The following MEGF10 variants were observed in gnomAD, a reference collection of about 807,000 sequenced individuals.
The protein encoded by MEGF10 is multiple epidermal growth factor-like domains protein 10.
Under a neutral mutation model 147.5 loss-of-function variants are expected in MEGF10, and 86 were observed. The ratio of observed to expected loss-of-function variants is 0.58; its 90% confidence interval spans 0.49 to 0.70. MEGF10 has a LOEUF of 0.70. MEGF10 is among the 30% of genes least tolerant of loss of function. MEGF10 has a pLI of 0.00. For missense variants in MEGF10, 1,329 were observed against 1,487.3 expected (o/e 0.89, Z 1.75); for synonymous variants, 478 against 525.5 (o/e 0.91, Z 1.24).
intron 13 of MEGF10, among the ~76,000 whole-genome samples, chr5:127,424,046 A>G (rs752632181): frequency 4.6e-5 from 7 of 152,204 alleles, no homozygotes; most frequent in Non-Finnish European, 7.3e-5. Flanking sequence ...GGTAATTTTT[A>G]CATACAATAT....
intron 2 of MEGF10, among the ~76,000 whole-genome samples, chr5:127,333,943 A>C (rs1193066211): frequency 2.0e-5 from 3 of 152,150 alleles, no homozygotes; most frequent in Non-Finnish European, 4.4e-5. Context: ...GAAAATGATG[A>C]AAAAAACTTC....
chr5:127,361,945 T>A (rs920823535), intron 4 of MEGF10, among the ~76,000 whole-genome samples: 19 of 152,300 alleles, frequency 1.2e-4, no homozygotes, highest in Admixed American at 1.0e-3. Context: ...TTTCATAGAA[T>A]ATAACTTGAT....
intron 4 of MEGF10, among the ~76,000 whole-genome samples, chr5:127,341,239 T>C (rs1156461840): frequency 1.3e-5 from 2 of 152,182 alleles, no homozygotes; most frequent in African/African-American, 4.8e-5. Context: ...ATGAGATGCA[T>C]GTGAGATGCA....
In MEGF10 at chr5:127,459,722, C is replaced by G. The variant is rs1282590794; in HGVS notation, c.*2404C>G. On this transcript the variant is annotated 3_prime_UTR_variant, in exon 25 of 25. Coordinates refer to ENST00000503335, the MANE Select transcript of MEGF10 (RefSeq NM_001256545.2). Reference sequence around the variant, plus strand: ...TGCTCTTTTTGACAAGTAAATCACTCCAGTTAGCTGATGTCCTGAAATGAC... The same window carrying G: ...TGCTCTTTTTGACAAGTAAATCACTGCAGTTAGCTGATGTCCTGAAATGAC... 1 of 152,202 alleles carries G rather than the reference C, an allele frequency of 6.6e-6. No homozygotes were observed. Among genetic ancestry groups the G allele is most frequent in the Admixed American group, 6.5e-5 (1 of 15,268 alleles). The allele number at this position is 152,202 out of a possible 1,614,324, so 9.4% of individuals were successfully genotyped here. A position where few individuals can be genotyped will look rare whatever the true frequency, so the allele number is the denominator to read the frequency against.
At position 127,445,586 on chromosome 5, in the gene MEGF10, C is replaced by A; in HGVS notation, c.2621C>A (p.Ala874Glu). 1 of 1,614,050 alleles carries A rather than the reference C, an allele frequency of 6.2e-7. No homozygotes were observed. ...ILVLVVLFLL[A>E]LFIIYRHKQK... ...GTCCTAGTTGTTCTCTTCCTACTGG[C>A]ATTGTTCATTATTTATAGACACAAG... The change falls in exon 20 of 25, where the codon GCA becomes GAA. Residue 874 changes from alanine to glutamate, a missense_variant. Transcript: ENST00000503335.
chr5:127,455,754 A>C, intron 24 of MEGF10, 147 bp downstream of exon 24: 1 of 626,262 alleles, frequency 1.6e-6, no homozygotes, highest in Non-Finnish European at 2.4e-6. Context: ...TATTTTATGT[A>C]TTTTTTGAGA....
intron 1 of MEGF10, among the ~76,000 whole-genome samples, chr5:127,324,640 C>T (rs1005091218): frequency 3.9e-5 from 6 of 152,186 alleles, no homozygotes; most frequent in African/African-American, 1.2e-4. Context: ...GATTTGGTCC[C>T]TTGGTTGGTT....
chr5:127,348,933 A>G (rs991286488), intron 4 of MEGF10, among the ~76,000 whole-genome samples: 1 of 152,168 alleles, frequency 6.6e-6, no homozygotes, highest in Non-Finnish European at 1.5e-5. Flanking sequence ...TATGAACTCT[A>G]AAATGTTAAA....
At chr5:127,294,835 T>TTATAATAAA (rs1554087384) in intron 1 of MEGF10, among the ~76,000 whole-genome samples, 16 of 143,142 alleles carry the variant, frequency 1.1e-4, no homozygotes, top group African/African-American at 3.6e-4. Context: ...ATAATAATAA[T>TTATAATAAA]AAATAACTTG....
chr5:127,428,117 C>A (rs1286453383), intron 13 of MEGF10, among the ~76,000 whole-genome samples: 11 of 148,302 alleles, frequency 7.4e-5, no homozygotes, highest in Admixed American at 4.0e-4. Flanking sequence ...TGGGTCCAGA[C>A]TGAGGCAGGC....
At chr5:127,336,151 A>G (rs1195538671) in intron 2 of MEGF10, among the ~76,000 whole-genome samples, 2 of 151,494 alleles carry the variant, frequency 1.3e-5, no homozygotes, top group African/African-American at 2.4e-5. Context: ...TAGTTGTACT[A>G]TAGTTTAATA....
chr5:127,422,755 G>A lies in MEGF10; in HGVS notation c.1676G>A (p.Cys559Tyr). The A allele has an allele frequency of 6.2e-7, 1 of 1,613,976 alleles. No homozygotes were observed. The highest frequency in any genetic ancestry group is 8.5e-7 in the Non-Finnish European group (1 of 1,179,928). Residue 559 changes from cysteine (C) to tyrosine (Y), a missense_variant, in exon 13 of 25, where the codon TGC becomes TAC. By Grantham distance (194) the Cys-to-Tyr change is radical (BLOSUM62 -2). Around this residue, in one of 3 missense-constraint regions of MEGF10, gnomAD observed 980 missense variants for 1,085.9 expected, o/e 0.90. Transcript: ENST00000503335. ...CACCCTACCACGGGCCATTGCCGCT[G>A]CCTCCCCGGATGGTCAGGTGAGAGC... ...GCHPTTGHCR[C>Y]LPGWSGVHCD...
At chr5:127,334,007 A>T (rs1418134456) in intron 2 of MEGF10, among the ~76,000 whole-genome samples, 2 of 152,190 alleles carry the variant, frequency 1.3e-5, no homozygotes, top group African/African-American at 4.8e-5. Context: ...TAATCTTCTT[A>T]CTGATAAATT....
chr5:127,234,594 G>T, the MEGF10 span, among the ~76,000 whole-genome samples: 1 of 152,124 alleles, frequency 6.6e-6, no homozygotes, highest in African/African-American at 2.4e-5. Flanking sequence ...CCACCAAAAA[G>T]AAATAACTTT....
intron 7 of MEGF10, among the ~76,000 whole-genome samples, chr5:127,402,340 G>T (rs1165904222): frequency 6.6e-6 from 1 of 152,002 alleles, no homozygotes; most frequent in African/African-American, 2.4e-5. Flanking sequence ...TTGAGATTTG[G>T]GCTTACTGAG....
At chr5:127,346,866 A>G (rs1761913904) in intron 4 of MEGF10, among the ~76,000 whole-genome samples, 1 of 152,118 alleles carries the variant, frequency 6.6e-6, no homozygotes, top group Admixed American at 6.6e-5. Flanking sequence ...GTTTAGGAAT[A>G]TTTTCACATC....
chr5:127,378,690 G>A (rs539963502), intron 5 of MEGF10, among the ~76,000 whole-genome samples: 2 of 152,294 alleles, frequency 1.3e-5, no homozygotes, highest in East Asian at 3.9e-4. Context: ...GGGCTCAAGA[G>A]ATCCTCCTGC....
the MEGF10 span, among the ~76,000 whole-genome samples, chr5:127,281,255 C>A: frequency 1.3e-5 from 2 of 152,196 alleles, no homozygotes; most frequent in Non-Finnish European, 2.9e-5. Flanking sequence ...CGATAAATTC[C>A]TTTTCTGCTT....
At position 127,293,809 on chromosome 5, in the gene MEGF10, T is replaced by C. The variant is rs1290444474; in HGVS notation, c.-19+2753T>C. Among the ~76,000 whole-genome samples the C allele has an allele frequency of 2.0e-5, 3 of 152,220 alleles. No individual in the cohort carries two copies. The East Asian group carries it at 5.8e-4, about 29-fold the overall frequency. On this transcript the variant is annotated intron_variant, in intron 1 of 24. Coordinates refer to ENST00000503335, the MANE Select transcript of MEGF10 (RefSeq NM_001256545.2). ...GGCCAGTAATCTGCATTTTGAGATC[T>C]CCAGGTGAACCTGGTAAAGCTGACG...
Sources: allele counts gnomAD v4.1 joint callset (sites outside exome capture counted in the v4.1 genomes callset), GRCh38; gene constraint gnomAD v4.1.1; regional missense constraint gnomAD v4.1.1; transcripts MANE v1.5; gene names NCBI Gene and HGNC (gene_info 2026-07-23, HGNC 2026-07-21).